Variants in ECEL1 observed in about 807,000 individuals in gnomAD.
ECEL1 encodes the protein endothelin-converting enzyme-like 1.
ECEL1 carries 87 observed loss-of-function variants against 101.8 expected under a neutral mutation model. The observed-to-expected ratio is 0.85, with a 90% CI of 0.72 to 1.02. The LOEUF is 1.02. ECEL1 is among the 50% of genes least tolerant of loss of function. ECEL1 has a pLI of 0.00. For missense variants in ECEL1, 1,032 were observed against 1,079.2 expected (o/e 0.96, Z 0.61); for synonymous variants, 487 against 468.7 (o/e 1.04, Z -0.50).
rs1195802758 is a variant in ECEL1 at position 232,484,905 on chromosome 2, G to T, written c.967-12C>A. On this transcript the variant is annotated splice_polypyrimidine_tract_variant and intron_variant, in intron 4 of 17. Transcript: ENST00000304546. ...TCTGACACAGTGATCTGTGGGGAGA[G>T]ATCACAGCTGACCCAGCCCTGCTCC... The T allele has an allele frequency of 1.2e-6, 2 of 1,613,084 alleles. No homozygotes were observed. The highest frequency in any genetic ancestry group is 1.7e-6 in the Non-Finnish European group (2 of 1,179,912).
In ECEL1 at chr2:232,486,350, G is replaced by C; in HGVS notation, c.304C>G (p.Arg102Gly). 1 of 1,540,400 alleles carries C rather than the reference G, an allele frequency of 6.5e-7. No individual in the cohort carries two copies. Among genetic ancestry groups the C allele is most frequent in the South Asian group, 1.2e-5 (1 of 84,664 alleles). The change falls in exon 2 of 18, where the codon CGC becomes GGC. Residue 102 changes from arginine to glycine, a missense_variant. By Grantham distance (125) the Arg-to-Gly change is moderately radical (BLOSUM62 -2). Transcript: ENST00000304546. ...GGACPEGCPE[R>G]KAFARAARFL... Reference sequence around the variant, plus strand: ...CGAGCGGCGCGCGCGAAGGCCTTGCGCTCAGGGCAGCCCTCGGGACAGGCG... The same window carrying C: ...CGAGCGGCGCGCGCGAAGGCCTTGCCCTCAGGGCAGCCCTCGGGACAGGCG...
In ECEL1 at chr2:232,482,870, G is replaced by A; in HGVS notation, c.1666C>T (p.Gln556Ter). ...SIQLSVKKIR[Q>*]EVDKSTWLLP... is the part of the protein sequence containing the mutation. ...ACCCACGTGGACTTGTCCACCTCCTGCCGAATCTTCTTAACTGAGAGCTGG... is the reference window on the plus strand; with the variant it reads ...ACCCACGTGGACTTGTCCACCTCCTACCGAATCTTCTTAACTGAGAGCTGG... Residue 556 changes from glutamine (Q) to a stop codon, truncating the protein, a stop_gained, in exon 10 of 18, where the codon CAG becomes TAG. Coordinates refer to ENST00000304546, the MANE Select transcript of ECEL1 (RefSeq NM_004826.4). LOFTEE classifies it high-confidence loss of function. 2 of 1,614,128 alleles carry A rather than the reference G, an allele frequency of 1.2e-6. No individual in the cohort carries two copies. Among genetic ancestry groups the A allele is most frequent in the Non-Finnish European group, 1.7e-6 (2 of 1,180,002 alleles).
intron 2 of ECEL1, among the ~76,000 whole-genome samples, chr2:232,485,654 G>C (rs984521851): frequency 6.6e-6 from 1 of 152,182 alleles, no homozygotes; most frequent in Non-Finnish European, 1.5e-5. Context: ...TGCGGCTCCC[G>C]CGGCTCCTCT....
Sources: gnomAD v4.1 joint callset for allele counts (sites outside exome capture counted in the v4.1 genomes callset) on GRCh38, gnomAD v4.1.1 for gene constraint, MANE v1.5 for transcripts, NCBI Gene and HGNC (gene_info 2026-07-23, HGNC 2026-07-21) for gene names.